The following TMX3 variants were observed in gnomAD, a reference collection of about 807,000 sequenced individuals.
The protein encoded by TMX3 is thioredoxin related transmembrane protein 3.
TMX3 carries 40 observed loss-of-function variants against 64.4 expected under a neutral mutation model. The ratio of observed to expected loss-of-function variants is 0.62; its 90% CI spans 0.48 to 0.81. TMX3 has a LOEUF of 0.81. Ranked by LOEUF, TMX3 falls within the 30% of genes least tolerant of loss-of-function variation. The pLI is 0.00. For synonymous variants in TMX3, 189 were observed against 175.7 expected (o/e 1.08, Z -0.60); for missense variants, 497 against 534.5 (o/e 0.93, Z 0.69).
intron 8 of TMX3, 128 bp from the exon 9 acceptor site, chr18:68,691,489 A>G: frequency 3.4e-6 from 2 of 586,696 alleles, no homozygotes; most frequent in South Asian, 6.3e-5. Flanking sequence ...GAATGTCACA[A>G]ACAGTTAAAG....
rs117426990 is a variant in TMX3, at chr18:68,676,761, G to C, written c.*172C>G. The C allele has an allele frequency of 0.032, 24,845 of 766,756 alleles. 519 individuals carry two copies. The highest frequency in any genetic ancestry group is 0.04 in the Non-Finnish European group (19,508 of 493,410). The allele number at this position is 766,756 out of a possible 1,614,324, so 47.5% of individuals were successfully genotyped here. On this transcript the variant is annotated 3_prime_UTR_variant, in exon 16 of 16. Coordinates refer to ENST00000299608, the MANE Select transcript of TMX3 (RefSeq NM_019022.5). The stretch of plus-strand genomic sequence containing the variant: ...TTTCAGACAAACTGTTCATCTCTTT[G>C]CTCCAAACACTTCCCCATGTATGGA...
chr18:68,685,224 CAT>C (rs946920181), intron 10 of TMX3, among the ~76,000 whole-genome samples: 10 of 152,252 alleles, frequency 6.6e-5, no homozygotes, highest in Middle Eastern at 3.4e-3. Context: ...ATATATATTT[CAT>C]AGAGTTATTG....
At chr18:68,693,208 G>A (rs967033707) in intron 8 of TMX3, among the ~76,000 whole-genome samples, 4 of 152,206 alleles carry the variant, frequency 2.6e-5, no homozygotes, top group East Asian at 3.9e-4. Flanking sequence ...GTGGCAGCCC[G>A]TCTGGAGCAG....
intron 4 of TMX3, among the ~76,000 whole-genome samples, chr18:68,707,955 A>G (rs1281097042): frequency 6.6e-6 from 1 of 151,064 alleles, no homozygotes; most frequent in Non-Finnish European, 1.5e-5. Flanking sequence ...ATATGTGTAT[A>G]TATGTGTATA....
At chr18:68,684,540 C>G (rs1220375429) in intron 10 of TMX3, 55 bp from the exon 11 acceptor site, 1 of 1,452,626 alleles carries the variant, frequency 6.9e-7, no homozygotes, top group East Asian at 2.3e-5. Flanking sequence ...ACAAACTGTT[C>G]AATTATCACT....
At chr18:68,687,291 T>G in intron 10 of TMX3, 1 of 985,408 alleles carries the variant, frequency 1.0e-6, no homozygotes, top group Non-Finnish European at 1.2e-6. Flanking sequence ...TTAACTTACA[T>G]TTTTCCCTTT....
intron 9 of TMX3, among the ~76,000 whole-genome samples, chr18:68,690,812 C>T (rs1293725665): frequency 6.6e-6 from 1 of 152,030 alleles, no homozygotes; most frequent in African/African-American, 2.4e-5. Context: ...ATTACAATTA[C>T]AATATTTTAA....
At chr18:68,690,788 G>A (rs748923213) in intron 9 of TMX3, among the ~76,000 whole-genome samples, 3 of 152,060 alleles carry the variant, frequency 2.0e-5, no homozygotes, top group African/African-American at 4.8e-5. Context: ...TCTTTACTAC[G>A]ATGTATGTTT....
At chr18:68,698,109 C>T (rs963891715) in intron 6 of TMX3, 78 bp from the exon 7 acceptor site, 5 of 904,134 alleles carry the variant, frequency 5.5e-6, no homozygotes, top group Non-Finnish European at 8.6e-6. Flanking sequence ...TATAACTAAT[C>T]ATGTCTCAAG....
chr18:68,673,705 C>CT lies in TMX3; in HGVS notation c.*3227dup, dbSNP rs1409290264. ...AGAAACAATTGCAGGTTTTCAATTACTTTATTTTAGAAAAACAAAGGTTTA... is the reference window on the plus strand; with the variant it reads ...AGAAACAATTGCAGGTTTTCAATTACTTTTATTTTAGAAAAACAAAGGTTTA... On this transcript the variant is annotated 3_prime_UTR_variant, in exon 16 of 16. Transcript: ENST00000299608. The CT allele has an allele frequency of 6.6e-6, 1 of 152,084 alleles. No individual in the cohort carries two copies. Among genetic ancestry groups the CT allele is most frequent in the African/African-American group, 2.4e-5 (1 of 41,422 alleles). 9.4% of individuals were successfully genotyped at this position (152,084 alleles called of 1,614,324 possible).
At chr18:68,713,499 C>T (rs185279386) in intron 2 of TMX3, among the ~76,000 whole-genome samples, 1 of 152,296 alleles carries the variant, frequency 6.6e-6, no homozygotes, top group East Asian at 1.9e-4. Flanking sequence ...TGAACCTCCT[C>T]ACTTACTATA....
Position 68,674,445 on chromosome 18 carries a change from C to T in TMX3, c.*2488G>A, listed in dbSNP as rs760374046. On this transcript the variant is annotated 3_prime_UTR_variant, in exon 16 of 16. Coordinates refer to ENST00000299608, the MANE Select transcript of TMX3 (RefSeq NM_019022.5). Reference sequence around the variant, plus strand: ...CGAATTTTAGAAGTTATAAAGAGAACTTCACTGCAATTAAAAGAGAAGGCA... The same window carrying T: ...CGAATTTTAGAAGTTATAAAGAGAATTTCACTGCAATTAAAAGAGAAGGCA... The T allele has an allele frequency of 4.0e-5, 6 of 150,760 alleles. No individual in the cohort carries two copies. Among genetic ancestry groups the T allele is most frequent in the Non-Finnish European group, 7.4e-5 (5 of 67,600 alleles). 9.3% of individuals were successfully genotyped at this position (150,760 alleles called of 1,614,324 possible).
intron 3 of TMX3, among the ~76,000 whole-genome samples, chr18:68,710,731 C>G (rs1321375552): frequency 6.6e-6 from 1 of 152,160 alleles, no homozygotes; most frequent in African/African-American, 2.4e-5. Flanking sequence ...AGTGATGTTA[C>G]AAACTACTTG....
intron 1 of TMX3, among the ~76,000 whole-genome samples, 166 bp downstream of exon 1, chr18:68,714,770 G>C (rs1377824895): frequency 6.6e-6 from 1 of 152,244 alleles, no homozygotes; most frequent in African/African-American, 2.4e-5. Context: ...CGCTCCGTCA[G>C]GGCCAGGCAG....
At chr18:68,693,405 T>A (rs921728700) in intron 8 of TMX3, among the ~76,000 whole-genome samples, 25 of 152,000 alleles carry the variant, frequency 1.6e-4, no homozygotes, top group Non-Finnish European at 3.2e-4. Context: ...ATCCCTGAGC[T>A]CTCCGGGGCC....
rs201425821 is a variant in TMX3 at position 68,705,533 on chromosome 18, C to A, written c.266-3743G>T. Among the ~76,000 whole-genome samples, 16 of 152,262 alleles carry A rather than the reference C, an allele frequency of 1.1e-4. No homozygotes were observed. The East Asian group carries it at 2.7e-3, about 26-fold the overall frequency. On this transcript the variant is annotated intron_variant, in intron 4 of 15. Coordinates refer to ENST00000299608, the MANE Select transcript of TMX3 (RefSeq NM_019022.5). Reference sequence around the variant, plus strand: ...ACATGAAAGAGAGCTAAAATGTGATCTTTATCATAAAATGATGTCACACTT... The same window carrying A: ...ACATGAAAGAGAGCTAAAATGTGATATTTATCATAAAATGATGTCACACTT...
At chr18:68,711,317 T>C in intron 3 of TMX3, 47 bp downstream of exon 3, 1 of 1,460,242 alleles carries the variant, frequency 6.8e-7, no homozygotes. Context: ...AAATAATACT[T>C]AAAATGGTAG....
In TMX3 at chr18:68,710,136, C is replaced by T. The variant is rs552312818; in HGVS notation, c.150G>A (p.Ala50=). ...NDDIWLVDFY[A]PWCGHCKKLE... Reference sequence around the variant, plus strand: ...GCTTTTTACAATGGCCACACCATGGCGCATAAAACTTGTTTTAAAAAAACA... The same window carrying T: ...GCTTTTTACAATGGCCACACCATGGTGCATAAAACTTGTTTTAAAAAAACA... The change falls in exon 4 of 16, where the codon GCG becomes GCA. Residue 50 remains alanine, a synonymous_variant. Transcript: ENST00000299608. 104 of 1,541,702 alleles carry T rather than the reference C, an allele frequency of 6.7e-5. 1 individual carries two copies. Among genetic ancestry groups the T allele is most frequent in the South Asian group, 6.2e-4 (49 of 78,506 alleles).
chr18:68,697,909 T>C, intron 7 of TMX3, 23 bp downstream of exon 7: 1 of 1,480,594 alleles, frequency 6.8e-7, no homozygotes, highest in Non-Finnish European at 9.4e-7. Flanking sequence ...CATCTGTTTT[T>C]GTGGATTAAA....
Sources: allele counts gnomAD v4.1 joint callset (sites outside exome capture counted in the v4.1 genomes callset), GRCh38; gene constraint gnomAD v4.1.1; transcripts MANE v1.5; gene names NCBI Gene and HGNC (gene_info 2026-07-23, HGNC 2026-07-21).